The following CACNA1B variants were observed in gnomAD, a reference collection of about 807,000 sequenced individuals.
CACNA1B encodes the protein calcium voltage-gated channel subunit alpha1 B.
Under a neutral mutation model 247.2 loss-of-function variants are expected in CACNA1B, and 70 were observed. That is an observed-to-expected ratio of 0.28 (90% CI 0.23 to 0.35). The LOEUF (loss-of-function observed/expected upper bound fraction) is 0.35, where lower values mean the gene tolerates loss of function less well. Ranked by LOEUF, CACNA1B falls within the 10% of genes least tolerant of loss-of-function variation. CACNA1B has a pLI of 1.00. For missense variants in CACNA1B, 2,367 were observed against 3,197.4 expected (o/e 0.74, Z 6.26); for synonymous variants, 1,231 against 1,294.4 (o/e 0.95, Z 1.05).
rs148872607 is a variant in CACNA1B, at chr9:137,892,535, G to A, written c.530+9652G>A. ...TGTGGGTCCTTTCTCACGCTTCTCT[G>A]TCATCAGCCTCTGGGCCTGACAACA... is the stretch of plus-strand genomic sequence containing the variant. On this transcript the variant is annotated intron_variant, in intron 3 of 46. Coordinates refer to ENST00000371372, the MANE Select transcript of CACNA1B (RefSeq NM_000718.4). 5.6e-3 allele frequency: 2,067 copies of A among 370,180 alleles called. 19 individuals carry two copies. The highest frequency in any genetic ancestry group is 0.017 in the Middle Eastern group (18 of 1,032). 22.9% of individuals were successfully genotyped at this position (370,180 alleles called of 1,614,324 possible).
At position 138,100,913 on chromosome 9, in the gene CACNA1B, C is replaced by A. The variant is rs546196163; in HGVS notation, c.5223-1798C>A. ...TGCACACATCGGGCTCCGGAAATTT[C>A]GCTGGGGTTGCCACACCTCCCGGGG... On this transcript the variant is annotated intron_variant, in intron 37 of 46. Coordinates refer to ENST00000371372, the MANE Select transcript of CACNA1B (RefSeq NM_000718.4). The surrounding 1 kb of genome is among the most constrained non-coding windows in gnomAD (Gnocchi z 4.6). 6.6e-6 allele frequency among the ~76,000 whole-genome samples: 1 copy of A among 152,096 alleles called. No individual in the cohort carries two copies. The highest frequency in any genetic ancestry group is 2.4e-5 in the African/African-American group (1 of 41,418).
At chr9:138,112,334 G>T in intron 39 of CACNA1B, 64 bp from the exon 40 acceptor site, 1 of 1,178,372 alleles carries the variant, frequency 8.5e-7, no homozygotes, top group Admixed American at 1.8e-5. Flanking sequence ...TGCCCCATTG[G>T]CGGCTGCAGG....
At chr9:138,069,375 TA>T (rs571369240) in intron 31 of CACNA1B, among the ~76,000 whole-genome samples, 4 of 152,138 alleles carry the variant, frequency 2.6e-5, no homozygotes, top group Non-Finnish European at 5.9e-5. Flanking sequence ...TAAAAATAAA[TA>T]AATAAGTGTC....
intron 24 of CACNA1B, 125 bp downstream of exon 24, chr9:138,049,440 T>A: frequency 1.4e-6 from 1 of 711,790 alleles, no homozygotes; most frequent in Admixed American, 2.0e-5. Flanking sequence ...TCTGTTGCTG[T>A]CCATGTGGGA....
chr9:137,886,767 C>G (rs1220840864), intron 3 of CACNA1B, among the ~76,000 whole-genome samples: 2 of 152,038 alleles, frequency 1.3e-5, no homozygotes, highest in African/African-American at 2.4e-5. Flanking sequence ...CCCCAGAGAG[C>G]AGTCGGCAGG....
At chr9:138,006,716 G>A (rs1958656134) in intron 15 of CACNA1B, 51 bp from the exon 16 acceptor site, 1 of 1,016,762 alleles carries the variant, frequency 9.8e-7, no homozygotes, top group Non-Finnish European at 1.6e-6. Context: ...GTGCGTGTGT[G>A]TGGGGAAGGC....
intron 25 of CACNA1B, among the ~76,000 whole-genome samples, chr9:138,053,230 T>C (rs1428801500): frequency 1.3e-5 from 2 of 152,210 alleles, no homozygotes; most frequent in East Asian, 3.9e-4. Flanking sequence ...GTCTGGACTC[T>C]TGGTCATTCC....
intron 10 of CACNA1B, among the ~76,000 whole-genome samples, chr9:137,968,775 AAATCT>A (rs1489077387): frequency 6.6e-6 from 1 of 152,236 alleles, no homozygotes; most frequent in Non-Finnish European, 1.5e-5. Context: ...CAAGAGAAAG[AAATCT>A]AAGTATTTGC....
In CACNA1B at chr9:138,100,284, T is replaced by C. The variant is rs1242550153; in HGVS notation, c.5223-2427T>C. Among the ~76,000 whole-genome samples, 1 of 152,106 alleles carries C rather than the reference T, an allele frequency of 6.6e-6. No homozygotes were observed. Among genetic ancestry groups the C allele is most frequent in the Admixed American group, 6.5e-5 (1 of 15,280 alleles). On this transcript the variant is annotated intron_variant, in intron 37 of 46. Coordinates refer to ENST00000371372, the MANE Select transcript of CACNA1B (RefSeq NM_000718.4). This position sits in a 1 kb window ranked among gnomAD's most constrained non-coding sequence, Gnocchi z 4.6. ...AGGCTGAGACCGTTTGAGAAAGGCA[T>C]TGAAATTGGTTGAACAAGTCGCTTT...
At chr9:138,000,330 C>T (rs1035791653) in intron 15 of CACNA1B, among the ~76,000 whole-genome samples, 33 of 152,006 alleles carry the variant, frequency 2.2e-4, no homozygotes, top group Non-Finnish European at 4.6e-4. Context: ...GATCTCCTGA[C>T]CTCGTGATCA....
chr9:137,895,387 T>A (rs1002381339), intron 3 of CACNA1B, among the ~76,000 whole-genome samples: 1 of 152,224 alleles, frequency 6.6e-6, no homozygotes, highest in Non-Finnish European at 1.5e-5. Flanking sequence ...AATCTTGATA[T>A]ATAAAAAAAA....
chr9:137,971,551 T>C lies in CACNA1B; in HGVS notation c.1502T>C (p.Met501Thr), dbSNP rs768997853. 1 of 1,613,774 alleles carries C rather than the reference T, an allele frequency of 6.2e-7. No homozygotes were observed. Among genetic ancestry groups the C allele is most frequent in the South Asian group, 1.1e-5 (1 of 91,046 alleles). Reference sequence around the variant, plus strand: ...GCCCTGAACACACTGTGTGTGGCCATGGTGCATTACAACCAGCCGCGGCGG... The same window carrying C: ...GCCCTGAACACACTGTGTGTGGCCACGGTGCATTACAACCAGCCGCGGCGG... ...VVALNTLCVA[M>T]VHYNQPRRLT... is the part of the protein sequence containing the mutation. Residue 501 changes from methionine to threonine, a missense_variant, in exon 11 of 47, where the codon ATG becomes ACG. Physicochemically the swap from Met to Thr is moderately conservative, Grantham distance 81. Coordinates refer to ENST00000371372, the MANE Select transcript of CACNA1B (RefSeq NM_000718.4). The surrounding 1 kb of genome is among the most constrained non-coding windows in gnomAD (Gnocchi z 4.4).
intron 36 of CACNA1B, among the ~76,000 whole-genome samples, chr9:138,086,127 A>G (rs1960685977): frequency 6.6e-6 from 1 of 151,324 alleles, no homozygotes; most frequent in African/African-American, 2.4e-5. Flanking sequence ...AGTAAGTCCT[A>G]CCTATAAATG....
At chr9:138,009,104 C>T (rs1439282417) in intron 16 of CACNA1B, among the ~76,000 whole-genome samples, 1 of 152,206 alleles carries the variant, frequency 6.6e-6, no homozygotes, top group African/African-American at 2.4e-5. Context: ...TGAAGAGTTC[C>T]TTTTGCAAAG....
At position 138,010,107 on chromosome 9, in the gene CACNA1B, A is replaced by G. The variant is rs1191211448; in HGVS notation, c.2160+30A>G. Reference sequence around the variant, plus strand: ...GTGGCGACAGGGAGGGACCGGTGTCAGCCCATGTCACTTGAATGTGGCCGC... The same window carrying G: ...GTGGCGACAGGGAGGGACCGGTGTCGGCCCATGTCACTTGAATGTGGCCGC... On this transcript the variant is annotated intron_variant, in intron 17 of 46. Transcript: ENST00000371372. The surrounding 1 kb of genome is among the most constrained non-coding windows in gnomAD (Gnocchi z 5.3). The G allele has an allele frequency of 6.3e-7, 1 of 1,578,082 alleles. No individual in the cohort carries two copies. The highest frequency in any genetic ancestry group is 8.7e-7 in the Non-Finnish European group (1 of 1,147,292).
chr9:138,038,138 A>T (rs976268514), intron 20 of CACNA1B, among the ~76,000 whole-genome samples: 4 of 152,222 alleles, frequency 2.6e-5, no homozygotes, highest in African/African-American at 9.6e-5. Context: ...GAAGAAAATT[A>T]TTCTTGTAAA....
At chr9:137,916,448 CT>C (rs1294481408) in intron 5 of CACNA1B, among the ~76,000 whole-genome samples, 1 of 152,156 alleles carries the variant, frequency 6.6e-6, no homozygotes, top group Non-Finnish European at 1.5e-5. Flanking sequence ...TCTGGTCTTT[CT>C]TTAACCCCTC....
rs190971824 is a variant in CACNA1B at position 138,037,619 on chromosome 9, A to G, written c.3287-6155A>G. 2.0e-4 allele frequency among the ~76,000 whole-genome samples: 31 copies of G among 152,130 alleles called. No homozygotes were observed. In the Middle Eastern group the frequency reaches 0.01, roughly 50 times the overall value. On this transcript the variant is annotated intron_variant, in intron 20 of 46. Coordinates refer to ENST00000371372, the MANE Select transcript of CACNA1B (RefSeq NM_000718.4). ...GGTTGCAGTGAGCTGAGATCGCGCC[A>G]TTTCACTCCAGCCTGGGCAACAGAG... is the stretch of plus-strand genomic sequence containing the variant.
chr9:137,882,988 G>T lies in CACNA1B; in HGVS notation c.530+105G>T. ...GGGGCAGCTGCAGTCCCCTCACTGG[G>T]GTCCCCTCACAGCCCTGCTGGAGAT... On this transcript the variant is annotated intron_variant, in intron 3 of 46. Coordinates refer to ENST00000371372, the MANE Select transcript of CACNA1B (RefSeq NM_000718.4). This position sits in a 1 kb window ranked among gnomAD's most constrained non-coding sequence, Gnocchi z 4.0. The T allele has an allele frequency of 3.1e-6, 4 of 1,282,724 alleles. No homozygotes were observed. Among genetic ancestry groups the T allele is most frequent in the Non-Finnish European group, 4.5e-6 (4 of 897,632 alleles). 79.5% of individuals were successfully genotyped at this position (1,282,724 alleles called of 1,614,324 possible).
Sources: allele counts gnomAD v4.1 joint callset (sites outside exome capture counted in the v4.1 genomes callset), GRCh38; gene constraint gnomAD v4.1.1; non-coding constraint Gnocchi (gnomAD v3.1); transcripts MANE v1.5; gene names NCBI Gene and HGNC (gene_info 2026-07-23, HGNC 2026-07-21).